The following KDM4C variants were observed in gnomAD, a reference collection of about 807,000 sequenced individuals.
KDM4C encodes the protein lysine-specific demethylase 4C.
KDM4C carries 81 observed loss-of-function variants against 129.3 expected under a neutral mutation model. That is an observed-to-expected ratio of 0.63 (90% CI 0.52 to 0.75). KDM4C has a LOEUF of 0.75. Ranked by LOEUF, KDM4C falls within the 30% of genes least tolerant of loss-of-function variation. The pLI, the probability that KDM4C is intolerant of heterozygous loss-of-function variation, is 0.00. For missense variants in KDM4C, 1,457 were observed against 1,304.0 expected (o/e 1.12, Z -1.81); for synonymous variants, 573 against 456.1 (o/e 1.26, Z -3.26).
At chr9:7,127,162 A>G (rs916409926) in intron 18 of KDM4C, among the ~76,000 whole-genome samples, 1 of 152,192 alleles carries the variant, frequency 6.6e-6, no homozygotes, top group Admixed American at 6.5e-5. Context: ...AAAAATCAGC[A>G]TACACCACCA....
chr9:6,786,576 G>A (rs1256791976), intron 1 of KDM4C, among the ~76,000 whole-genome samples: 2 of 152,114 alleles, frequency 1.3e-5, no homozygotes, highest in Non-Finnish European at 2.9e-5. Context: ...AGTGGTGCTT[G>A]TTTTAAGATA....
At chr9:6,952,431 A>ATATATATAT (rs71506090) in intron 8 of KDM4C, among the ~76,000 whole-genome samples, 18 of 138,382 alleles carry the variant, frequency 1.3e-4, no homozygotes, top group African/African-American at 5.0e-4. Context: ...ATATATATAT[A>ATATATATAT]ATAATAATTA....
chr9:6,968,937 T>TG (rs1491054761), intron 8 of KDM4C, among the ~76,000 whole-genome samples: 1 of 151,764 alleles, frequency 6.6e-6, no homozygotes, highest in African/African-American at 2.4e-5. Context: ...TTGGGTTAAT[T>TG]GTGTGTGTGT....
chr9:7,149,683 A>C (rs1842553586), intron 19 of KDM4C, among the ~76,000 whole-genome samples: 3 of 152,258 alleles, frequency 2.0e-5, no homozygotes, highest in Admixed American at 2.0e-4. Flanking sequence ...TGCCCAGCAC[A>C]TAGTAAACAA....
chr9:7,125,378 G>A (rs1323664169), intron 18 of KDM4C, among the ~76,000 whole-genome samples: 1 of 152,200 alleles, frequency 6.6e-6, no homozygotes, highest in Non-Finnish European at 1.5e-5. Context: ...CCACCTGTGA[G>A]ATGGCTTCAT....
chr9:7,005,460 T>C (rs1298061059), intron 12 of KDM4C, among the ~76,000 whole-genome samples: 5 of 145,148 alleles, frequency 3.4e-5, no homozygotes, highest in African/African-American at 1.0e-4. Context: ...AAAGACCACA[T>C]GAGTAAAGAA....
intron 5 of KDM4C, among the ~76,000 whole-genome samples, chr9:6,876,743 GC>G (rs1408665111): frequency 2.0e-5 from 3 of 152,118 alleles, no homozygotes; most frequent in East Asian, 3.9e-4. Flanking sequence ...TGCCCCTGAA[GC>G]CAGGTGCTCA....
chr9:7,006,962 A>T (rs960955961), intron 12 of KDM4C, among the ~76,000 whole-genome samples: 1 of 152,250 alleles, frequency 6.6e-6, no homozygotes, highest in East Asian at 1.9e-4. Flanking sequence ...TTTTATTGAC[A>T]TGGCGATTAA....
intron 5 of KDM4C, among the ~76,000 whole-genome samples, chr9:6,858,490 C>G (rs935525284): frequency 6.6e-6 from 1 of 152,142 alleles, no homozygotes; most frequent in Non-Finnish European, 1.5e-5. Flanking sequence ...AGCATTAATG[C>G]TGTTCACCTC....
At chr9:6,964,865 A>T (rs568965068) in intron 8 of KDM4C, among the ~76,000 whole-genome samples, 1 of 151,204 alleles carries the variant, frequency 6.6e-6, no homozygotes, top group East Asian at 1.9e-4. Flanking sequence ...GAGGCAGGAG[A>T]ATCACTTGAG....
chr9:6,940,728 T>A (rs1563851674), intron 8 of KDM4C, among the ~76,000 whole-genome samples: 1 of 152,232 alleles, frequency 6.6e-6, no homozygotes, highest in Non-Finnish European at 1.5e-5. Context: ...TTACAGCACG[T>A]AAGTATCCAT....
chr9:7,036,390 T>C (rs1042507251), intron 15 of KDM4C, among the ~76,000 whole-genome samples: 5 of 152,202 alleles, frequency 3.3e-5, no homozygotes, highest in African/African-American at 1.2e-4. Flanking sequence ...AATACTATTA[T>C]GTAAATGTTG....
chr9:6,871,242 CA>C (rs1267827532), intron 5 of KDM4C, among the ~76,000 whole-genome samples: 3 of 152,184 alleles, frequency 2.0e-5, no homozygotes, highest in Non-Finnish European at 4.4e-5. Context: ...AGTAGATTTT[CA>C]TAAGTATAGA....
At chr9:6,825,548 T>A (rs1031469825) in intron 4 of KDM4C, among the ~76,000 whole-genome samples, 2 of 152,228 alleles carry the variant, frequency 1.3e-5, no homozygotes, top group Non-Finnish European at 2.9e-5. Context: ...ATTCTCAAAC[T>A]GGAAGCCATG....
At chr9:6,764,845 G>C (rs56357661) in intron 1 of KDM4C, among the ~76,000 whole-genome samples, 14,661 of 152,112 alleles carry the variant, frequency 0.096, 823 homozygotes, top group Non-Finnish European at 0.11. Context: ...TACTTGTTAA[G>C]TATAACAAAT....
At chr9:6,848,917 C>T (rs1588677157) in intron 4 of KDM4C, among the ~76,000 whole-genome samples, 1 of 152,148 alleles carries the variant, frequency 6.6e-6, no homozygotes, top group Admixed American at 6.5e-5. Flanking sequence ...TCAGTAGAAG[C>T]ACAGTGATCA....
intron 6 of KDM4C, 110 bp downstream of exon 6, chr9:6,880,171 T>G (rs1844216624): frequency 1.8e-6 from 1 of 552,584 alleles, no homozygotes; most frequent in Admixed American, 3.5e-5. Context: ...TCTGTTGGTT[T>G]TATTCTATTC....
chr9:6,915,413 T>G (rs1820122253), intron 8 of KDM4C, among the ~76,000 whole-genome samples: 1 of 152,242 alleles, frequency 6.6e-6, no homozygotes, highest in Non-Finnish European at 1.5e-5. Flanking sequence ...TTCTCACTAC[T>G]ACTGTGATGA....
At chr9:7,158,220 G>A (rs1365744483) in intron 19 of KDM4C, among the ~76,000 whole-genome samples, 1 of 151,632 alleles carries the variant, frequency 6.6e-6, no homozygotes, top group Non-Finnish European at 1.5e-5. Context: ...ATTTTTTATT[G>A]CATCTATGTG....
Sources: gnomAD v4.1 joint callset for allele counts (sites outside exome capture counted in the v4.1 genomes callset) on GRCh38, gnomAD v4.1.1 for gene constraint, MANE v1.5 for transcripts, NCBI Gene and HGNC (gene_info 2026-07-23, HGNC 2026-07-21) for gene names.